MACF1: variants seen among roughly 807,000 people sequenced by gnomAD.
The protein encoded by MACF1 is microtubule actin crosslinking factor 1.
In MACF1, 193 loss-of-function variants were observed where a neutral mutation model predicts 854.8. That is an observed-to-expected ratio of 0.23 (90% CI 0.20 to 0.25). The LOEUF (loss-of-function observed/expected upper bound fraction) is 0.25, where lower values mean the gene tolerates loss of function less well. Ranked by LOEUF, MACF1 falls within the 10% of genes least tolerant of loss-of-function variation. The pLI is 1.00. For missense variants in MACF1, 7,722 were observed against 8,929.1 expected (o/e 0.86, Z 5.45); for synonymous variants, 3,185 against 3,226.7 (o/e 0.99, Z 0.44).
chr1:39,399,371 C>CTTTTTTT (rs1330401656), intron 58 of MACF1, among the ~76,000 whole-genome samples: 23 of 96,730 alleles, frequency 2.4e-4, no homozygotes, highest in African/African-American at 4.1e-4. Flanking sequence ...CTTTATAAAG[C>CTTTTTTT]TTTTTTTTTT....
intron 26 of MACF1, among the ~76,000 whole-genome samples, chr1:39,313,286 T>A (rs753894836): frequency 2.6e-5 from 4 of 152,204 alleles, no homozygotes; most frequent in Non-Finnish European, 4.4e-5. Context: ...CATCTCTGGT[T>A]CCTATTTTCC....
At chr1:39,450,063 C>T (rs1274676244) in intron 84 of MACF1, among the ~76,000 whole-genome samples, 1 of 151,716 alleles carries the variant, frequency 6.6e-6, no homozygotes, top group Non-Finnish European at 1.5e-5. Context: ...GGGGTTTCAC[C>T]ATATTGGCCA....
In MACF1 at chr1:39,263,359, C is replaced by T. The variant is rs968627560; in HGVS notation, c.528+5331C>T. 3.9e-5 allele frequency among the ~76,000 whole-genome samples: 6 copies of T among 152,080 alleles called. No homozygotes were observed. In the South Asian group the frequency reaches 1.2e-3, roughly 31 times the overall value. On this transcript the variant is annotated intron_variant, in intron 6 of 100. Transcript: ENST00000564288. ...GCAGAGGTTTATGGTTTCTAAAATGCTTTAACACATTTTTTTTAATGTGCT... is the reference window on the plus strand; with the variant it reads ...GCAGAGGTTTATGGTTTCTAAAATGTTTTAACACATTTTTTTTAATGTGCT...
intron 49 of MACF1, among the ~76,000 whole-genome samples, chr1:39,365,224 C>T (rs1648591348): frequency 6.6e-6 from 1 of 151,984 alleles, no homozygotes; most frequent in Non-Finnish European, 1.5e-5. Flanking sequence ...TACAGGCGCC[C>T]GCCACCACGT....
chr1:39,100,905 T>TGC (rs1642055039), intron 2 of MACF1, among the ~76,000 whole-genome samples: 1 of 142,114 alleles, frequency 7.0e-6, no homozygotes, highest in African/African-American at 2.6e-5. Flanking sequence ...AATATACAAA[T>TGC]GCACGCGCGC....
chr1:39,465,785 G>A (rs1481631293), intron 95 of MACF1, among the ~76,000 whole-genome samples: 1 of 152,152 alleles, frequency 6.6e-6, no homozygotes, highest in Non-Finnish European at 1.5e-5. Context: ...CTGTCTCTCT[G>A]ATATGAAATT....
At chr1:39,476,863 G>A (rs538766183) in intron 97 of MACF1, among the ~76,000 whole-genome samples, 37 of 151,216 alleles carry the variant, frequency 2.4e-4, no homozygotes, top group African/African-American at 7.5e-4. Flanking sequence ...AGGCTGAGGC[G>A]GGTGGATCAC....
chr1:39,451,351 A>G, intron 85 of MACF1, 140 bp downstream of exon 85: 1 of 893,062 alleles, frequency 1.1e-6, no homozygotes. Flanking sequence ...TGTTTAAACA[A>G]ACTGTTGCTG....
intron 40 of MACF1, 73 bp from the exon 41 acceptor site, chr1:39,346,904 G>A: frequency 1.0e-6 from 1 of 985,762 alleles, no homozygotes; most frequent in South Asian, 1.4e-5. Flanking sequence ...GATTCTGTTG[G>A]TTTTCTTCAT....
In MACF1 at chr1:39,340,953, G is replaced by A. The variant is rs909615442; in HGVS notation, c.10581G>A (p.Glu3527=). The A allele has an allele frequency of 1.1e-5, 18 of 1,595,178 alleles. No homozygotes were observed. The highest frequency in any genetic ancestry group is 1.1e-4 in the African/African-American group (8 of 73,830). Residue 3527 remains glutamate (E), a splice_region_variant and synonymous_variant, in exon 40 of 101, where the codon GAG becomes GAA. Transcript: ENST00000564288. ...DSLNLCLQQY[E]DLKQPMAERK... is the part of the protein sequence containing the mutation. Reference sequence around the variant, plus strand: ...TGAACCTCTGCCTCCAACAGTATGAGGTAAACTCAAGCACATTTTCTTTGT... The same window carrying A: ...TGAACCTCTGCCTCCAACAGTATGAAGTAAACTCAAGCACATTTTCTTTGT...
At chr1:39,482,993 G>C (rs1161949600) in intron 99 of MACF1, among the ~76,000 whole-genome samples, 1 of 149,236 alleles carries the variant, frequency 6.7e-6, no homozygotes, top group Non-Finnish European at 1.5e-5. Context: ...GGCTGAGGTG[G>C]GAGGATTGCT....
chr1:39,158,102 G>A (rs1007389282), intron 2 of MACF1, among the ~76,000 whole-genome samples: 6 of 152,176 alleles, frequency 3.9e-5, no homozygotes, highest in African/African-American at 1.2e-4. Context: ...CTAAGAACCT[G>A]TGACTATTGG....
intron 2 of MACF1, among the ~76,000 whole-genome samples, chr1:39,125,371 T>A (rs1010212109): frequency 6.6e-6 from 1 of 152,222 alleles, no homozygotes; most frequent in African/African-American, 2.4e-5. Context: ...AAACATTGAT[T>A]TCCTCGTTAG....
Position 39,359,250 on chromosome 1 carries a change from T to C in MACF1, c.12230T>C (p.Val4077Ala), listed in dbSNP as rs1216903539. 1 of 1,614,144 alleles carries C rather than the reference T, an allele frequency of 6.2e-7. No individual in the cohort carries two copies. Among genetic ancestry groups the C allele is most frequent in the Admixed American group, 1.7e-5 (1 of 60,012 alleles). Reference protein sequence around the residue: ...EGEPAPDHRHVQETTDSILSH... With the variant: ...EGEPAPDHRHAQETTDSILSH... ...GAGCCAGCCCCAGACCACAGGCATG[T>C]TCAAGAAACTACAGGTATAAAGCAG... Residue 4077 changes from valine (V) to alanine (A), a missense_variant, in exon 47 of 101, where the codon GTT becomes GCT. Val to Ala is a moderately conservative substitution (Grantham distance 64). Around this residue, in one of 15 missense-constraint regions of MACF1, gnomAD observed 2,807 missense variants for 3,235.8 expected, o/e 0.87. Transcript: ENST00000564288.
At chr1:39,466,620 G>C (rs555247314) in intron 95 of MACF1, among the ~76,000 whole-genome samples, 3 of 152,160 alleles carry the variant, frequency 2.0e-5, no homozygotes, top group Non-Finnish European at 4.4e-5. Flanking sequence ...CACTGCTCTT[G>C]GGTGGAATCC....
At chr1:39,088,595 T>C (rs1641733549) in intron 2 of MACF1, among the ~76,000 whole-genome samples, 1 of 152,162 alleles carries the variant, frequency 6.6e-6, no homozygotes, top group Non-Finnish European at 1.5e-5. Flanking sequence ...GCTCTCTGTC[T>C]TTAGTGAAGA....
chr1:39,119,413 CTTAG>C (rs1642636531), intron 2 of MACF1, among the ~76,000 whole-genome samples: 2 of 123,888 alleles, frequency 1.6e-5, no homozygotes, highest in African/African-American at 2.6e-5. Context: ...TATAACATTT[CTTAG>C]TTTGTTGTTG....
intron 22 of MACF1, among the ~76,000 whole-genome samples, chr1:39,300,936 C>T (rs1179006508): frequency 6.6e-5 from 10 of 152,076 alleles, no homozygotes; most frequent in South Asian, 2.1e-4. Flanking sequence ...ACAGGAGAAT[C>T]GCTTGAGCCG....
At chr1:39,142,345 T>TG (rs921435053) in intron 2 of MACF1, among the ~76,000 whole-genome samples, 1 of 152,190 alleles carries the variant, frequency 6.6e-6, no homozygotes, top group Non-Finnish European at 1.5e-5. Flanking sequence ...GGAAATTTGA[T>TG]GGGGGAGTCT....
Sources: gnomAD v4.1 joint callset for allele counts (sites outside exome capture counted in the v4.1 genomes callset) on GRCh38, gnomAD v4.1.1 for gene constraint, gnomAD v4.1.1 regional missense constraint, MANE v1.5 for transcripts, NCBI Gene and HGNC (gene_info 2026-07-23, HGNC 2026-07-21) for gene names.